Variants in RFLNA observed in about 807,000 individuals in gnomAD.
RFLNA encodes refilin A.
RFLNA carries 5 observed loss-of-function variants against 7.8 expected under a neutral mutation model. The observed-to-expected ratio is 0.64, with a 90% CI of 0.34 to 1.35. The LOEUF (loss-of-function observed/expected upper bound fraction) is 1.35, where lower values mean the gene tolerates loss of function less well. Among genes scored for constraint, RFLNA ranks in the 40% most tolerant of loss-of-function variants. The probability of loss-of-function intolerance (pLI) is 0.04; values close to 1 mark genes in which losing one functional copy is unlikely to be tolerated. For missense variants in RFLNA, 278 were observed against 305.5 expected, an observed-to-expected ratio of 0.91 and a Z score of 0.67; for synonymous variants, 141 against 131.3, an observed-to-expected ratio of 1.07 and a Z score of -0.50.
chr12:124,312,886 G>C lies in RFLNA; in HGVS notation c.317+959G>C, dbSNP rs559957221. Among the ~76,000 whole-genome samples, 6 of 152,286 alleles carry C rather than the reference G, an allele frequency of 3.9e-5. 1 individual carries two copies. The highest frequency in any genetic ancestry group is 4.1e-4 in the South Asian group (2 of 4,832). ...CCACATCGATTTGCCCTCCTCTGAAGCTGCTGGGGCTCAGGCTTCCCAAGG... is the reference window on the plus strand; with the variant it reads ...CCACATCGATTTGCCCTCCTCTGAACCTGCTGGGGCTCAGGCTTCCCAAGG... On this transcript the variant is annotated intron_variant, in intron 2 of 2. Coordinates refer to ENST00000546355, the MANE Select transcript of RFLNA (RefSeq NM_001365156.1).
chr12:124,294,281 T>A (rs1394252364), upstream of RFLNA, among the ~76,000 whole-genome samples: 6 of 152,198 alleles, frequency 3.9e-5, no homozygotes, highest in South Asian at 1.2e-3. Context: ...CTTCGCCCTA[T>A]TAGCCTCTCC....
upstream of RFLNA, among the ~76,000 whole-genome samples, chr12:124,290,959 T>C (rs2033816399): frequency 6.6e-6 from 1 of 152,130 alleles, no homozygotes; most frequent in African/African-American, 2.4e-5. The surrounding 1 kb of genome is among the most constrained non-coding windows in gnomAD (Gnocchi z 4.0). Context: ...CCCTTCCTTG[T>C]CTGTAAGCCT....
chr12:124,304,945 G>A (rs375096540), intron 1 of RFLNA, among the ~76,000 whole-genome samples: 6 of 152,188 alleles, frequency 3.9e-5, no homozygotes, highest in Middle Eastern at 3.2e-3. Context: ...ACACCTGCAC[G>A]CACTTGGGAA....
At chr12:124,311,970 G>A (rs763429949) in intron 2 of RFLNA, 43 bp downstream of exon 2, 10 of 1,464,344 alleles carry the variant, frequency 6.8e-6, no homozygotes, top group African/African-American at 2.9e-5. Context: ...GGGGGTGGGG[G>A]GTTGGGTGCT....
At chr12:124,312,092 C>T (rs1436395656) in intron 2 of RFLNA, among the ~76,000 whole-genome samples, 165 bp downstream of exon 2, 14 of 151,950 alleles carry the variant, frequency 9.2e-5, no homozygotes, top group Non-Finnish European at 1.6e-4. Flanking sequence ...GGAGTTTGGC[C>T]GTATCTTAGC....
At chr12:124,298,095 G>A (rs2033963727) in intron 1 of RFLNA, among the ~76,000 whole-genome samples, 1 of 152,218 alleles carries the variant, frequency 6.6e-6, no homozygotes, top group Non-Finnish European at 1.5e-5. Context: ...GTTTGGCAGG[G>A]TGGGTGTCTT....
At chr12:124,299,853 A>G (rs923235411) in intron 1 of RFLNA, among the ~76,000 whole-genome samples, 3 of 152,132 alleles carry the variant, frequency 2.0e-5, no homozygotes, top group Non-Finnish European at 4.4e-5. Flanking sequence ...CTGGACTGTC[A>G]CTGCAGATTG....
chr12:124,312,105 C>G (rs1020058848), intron 2 of RFLNA, among the ~76,000 whole-genome samples, 178 bp downstream of exon 2: 1 of 152,082 alleles, frequency 6.6e-6, no homozygotes, highest in African/African-American at 2.4e-5. Flanking sequence ...ATCTTAGCCA[C>G]AGACAAAACT....
intron 2 of RFLNA, among the ~76,000 whole-genome samples, chr12:124,313,676 C>G (rs557630247): frequency 1.4e-5 from 1 of 73,936 alleles, no homozygotes; most frequent in Non-Finnish European, 3.2e-5. Context: ...GAGACTCCGT[C>G]TCAAAAAAAA....
At chr12:124,295,782 G>A (rs1338160842) in intron 1 of RFLNA, 146 bp downstream of exon 1, 4 of 869,504 alleles carry the variant, frequency 4.6e-6, no homozygotes, top group African/African-American at 3.5e-5. Context: ...TGACAGCCAC[G>A]CTTCTCAGGT....
intron 1 of RFLNA, among the ~76,000 whole-genome samples, chr12:124,307,636 G>T (rs961186897): frequency 1.3e-5 from 2 of 152,186 alleles, no homozygotes; most frequent in Admixed American, 6.5e-5. Context: ...GGACCCACGG[G>T]TGGTCTCAGC....
intron 2 of RFLNA, among the ~76,000 whole-genome samples, chr12:124,312,186 C>G (rs2034257608): frequency 1.3e-5 from 2 of 152,108 alleles, no homozygotes; most frequent in African/African-American, 4.8e-5. Context: ...GTCTATTCAG[C>G]CGTTTCCCAT....
chr12:124,314,831 A>C lies in RFLNA; in HGVS notation c.*306A>C. 4 of 577,434 alleles carry C rather than the reference A, an allele frequency of 6.9e-6. No homozygotes were observed. The highest frequency in any genetic ancestry group is 9.8e-6 in the Non-Finnish European group (3 of 305,724). 35.8% of individuals were successfully genotyped at this position (577,434 alleles called of 1,614,324 possible). Reference sequence around the variant, plus strand: ...CCACCCCCAGGGTCAGGGGAAAAGAATGGGTCCATGGAGTGCCCTTGAAGC... The same window carrying C: ...CCACCCCCAGGGTCAGGGGAAAAGACTGGGTCCATGGAGTGCCCTTGAAGC... On this transcript the variant is annotated 3_prime_UTR_variant, in exon 3 of 3. Transcript: ENST00000546355.
intron 1 of RFLNA, among the ~76,000 whole-genome samples, chr12:124,296,691 A>G (rs1040924953): frequency 2.6e-5 from 4 of 152,162 alleles, no homozygotes; most frequent in Non-Finnish European, 5.9e-5. Flanking sequence ...TATGACCTTC[A>G]TTCGTGCCTT....
intron 1 of RFLNA, among the ~76,000 whole-genome samples, chr12:124,296,104 C>CTTTCTTTCTTTCTTTCTTTCTT (rs1566319988): frequency 2.0e-4 from 1 of 5,014 alleles, no homozygotes; most frequent in Non-Finnish European, 1.0e-3. Context: ...TTCTTTCTTT[C>CTTTCTTTCTTTCTTTCTTTCTT]TTTCTTTCTT....
At chr12:124,290,235 T>C (rs1028989573), upstream of RFLNA, among the ~76,000 whole-genome samples, 3 of 152,052 alleles carry the variant, frequency 2.0e-5, no homozygotes, top group African/African-American at 7.2e-5. This position sits in a 1 kb window ranked among gnomAD's most constrained non-coding sequence, Gnocchi z 4.0. Context: ...TGTGTGTAGA[T>C]GTGTAGACAT....
chr12:124,294,317 CG>C (rs1390864546), upstream of RFLNA, among the ~76,000 whole-genome samples: 2 of 152,172 alleles, frequency 1.3e-5, no homozygotes, highest in Non-Finnish European at 2.9e-5. Flanking sequence ...CAAAGCAGTC[CG>C]TGGACACCCC....
chr12:124,309,517 A>G (rs1566327836), intron 1 of RFLNA, among the ~76,000 whole-genome samples: 1 of 152,202 alleles, frequency 6.6e-6, no homozygotes, highest in Non-Finnish European at 1.5e-5. Flanking sequence ...TCGCATCTGC[A>G]CTCATGCTTT....
At chr12:124,297,122 A>G (rs114627639) in intron 1 of RFLNA, among the ~76,000 whole-genome samples, 1 of 151,080 alleles carries the variant, frequency 6.6e-6, no homozygotes, top group African/African-American at 2.4e-5. Flanking sequence ...TGCCTTGCAC[A>G]GTGGGGCTTG....
Sources: gnomAD v4.1 joint callset for allele counts (sites outside exome capture counted in the v4.1 genomes callset) on GRCh38, gnomAD v4.1.1 for gene constraint, Gnocchi (gnomAD v3.1) non-coding constraint, MANE v1.5 for transcripts, NCBI Gene and HGNC (gene_info 2026-07-23, HGNC 2026-07-21) for gene names.